SHCBP1L: variants seen among roughly 807,000 people sequenced by gnomAD.
SHCBP1L encodes the protein testicular spindle-associated protein SHCBP1L.
Under a neutral mutation model 62.5 loss-of-function variants are expected in SHCBP1L, and 67 were observed. The ratio of observed to expected loss-of-function variants is 1.07; its 90% confidence interval spans 0.88 to 1.31. The LOEUF (loss-of-function observed/expected upper bound fraction) is 1.31. Among genes scored for constraint, SHCBP1L ranks in the 40% most tolerant of loss-of-function variants. The pLI is 0.00. For synonymous variants in SHCBP1L, 284 were observed against 289.4 expected (o/e 0.98, Z 0.19); for missense variants, 823 against 809.8 (o/e 1.02, Z -0.20).
chr1:182,924,974 GAAAAAA>G (rs772984933), intron 6 of SHCBP1L, among the ~76,000 whole-genome samples: 4 of 109,554 alleles, frequency 3.7e-5, no homozygotes, highest in South Asian at 3.0e-4. Flanking sequence ...AAGAAAGAAA[GAAAAAA>G]AAAGGAAGAA....
chr1:182,942,239 T>A, intron 2 of SHCBP1L: 1 of 1,358,818 alleles, frequency 7.4e-7, no homozygotes, highest in South Asian at 1.2e-5. Context: ...TGCTCCCCTT[T>A]TCCCTTTTGT....
chr1:182,902,808 C>T (rs563027204), intron 9 of SHCBP1L, among the ~76,000 whole-genome samples: 8 of 152,192 alleles, frequency 5.3e-5, no homozygotes, highest in African/African-American at 1.9e-4. Context: ...AAATCTATCC[C>T]ATTTCTCATA....
At position 182,948,779 on chromosome 1, in the gene SHCBP1L, A is replaced by G. The variant is rs1029680639; in HGVS notation, c.555+2539T>C. ...ATAAATTATTGTGACATCAGAACAA[A>G]GAGTATTATATAGCATTATTAATAC... is the stretch of plus-strand genomic sequence containing the variant. On this transcript the variant is annotated intron_variant, in intron 2 of 9. Transcript: ENST00000367547. Among the ~76,000 whole-genome samples the G allele has an allele frequency of 5.9e-5, 9 of 152,374 alleles. No homozygotes were observed. The South Asian group carries it at 1.0e-3, about 18-fold the overall frequency.
At position 182,939,335 on chromosome 1, in the gene SHCBP1L, G is replaced by A; in HGVS notation, c.917C>T (p.Thr306Ile). 1.2e-6 allele frequency: 2 copies of A among 1,613,840 alleles called. No individual in the cohort carries two copies. Among genetic ancestry groups the A allele is most frequent in the Non-Finnish European group, 1.7e-6 (2 of 1,179,918 alleles). The change falls in exon 5 of 10, where the codon ACT (threonine) becomes ATT (isoleucine). Residue 306 changes from threonine to isoleucine, a missense_variant. Coordinates refer to ENST00000367547, the MANE Select transcript of SHCBP1L (RefSeq NM_030933.4). ...PGPIAQRFKK[T>I]LEKYKNKRVE... ...ACGTTTGTTTTTATATTTCTCCAAA[G>A]TTTTTTTAAAACGTTGTGCGATAGG... is the stretch of plus-strand genomic sequence containing the variant.
intron 6 of SHCBP1L, among the ~76,000 whole-genome samples, chr1:182,922,629 C>T (rs1374797533): frequency 1.3e-5 from 2 of 151,142 alleles, no homozygotes; most frequent in Non-Finnish European, 2.9e-5. Flanking sequence ...ATTAAGCAAT[C>T]TGCTCCTGAA....
chr1:182,929,575 C>A (rs1449175989), intron 6 of SHCBP1L, 72 bp downstream of exon 6: 2 of 940,924 alleles, frequency 2.1e-6, no homozygotes, highest in African/African-American at 1.7e-5. Flanking sequence ...AGGACTCCAC[C>A]CTCAGGGAGC....
At chr1:182,925,652 G>C (rs1424359475) in intron 6 of SHCBP1L, among the ~76,000 whole-genome samples, 1 of 152,204 alleles carries the variant, frequency 6.6e-6, no homozygotes, top group African/African-American at 2.4e-5. Context: ...GTGAAAAACA[G>C]TTTGGCAATT....
At position 182,913,907 on chromosome 1, in the gene SHCBP1L, G is replaced by A. The variant is rs12074738; in HGVS notation, c.1183-8258C>T. Among the ~76,000 whole-genome samples, 130 of 152,276 alleles carry A rather than the reference G, an allele frequency of 8.5e-4. 1 individual carries two copies. The highest frequency in any genetic ancestry group is 2.9e-3 in the African/African-American group (121 of 41,548). On this transcript the variant is annotated intron_variant, in intron 6 of 9. Coordinates refer to ENST00000367547, the MANE Select transcript of SHCBP1L (RefSeq NM_030933.4). ...GAGGTAGGAGAATTGCTTGAACCTGGGAGGCAGAGGTTGCAGTGAGCCAAG... is the reference window on the plus strand; with the variant it reads ...GAGGTAGGAGAATTGCTTGAACCTGAGAGGCAGAGGTTGCAGTGAGCCAAG...
At chr1:182,901,483 G>A (rs1649834656) in intron 9 of SHCBP1L, among the ~76,000 whole-genome samples, 1 of 152,050 alleles carries the variant, frequency 6.6e-6, no homozygotes, top group Admixed American at 6.6e-5. Flanking sequence ...GAGTGCTTCA[G>A]GTGAAGGTAA....
At chr1:182,923,442 T>C (rs1002690952) in intron 6 of SHCBP1L, among the ~76,000 whole-genome samples, 2 of 152,142 alleles carry the variant, frequency 1.3e-5, no homozygotes, top group African/African-American at 4.8e-5. Flanking sequence ...ATATTCCTAA[T>C]GAACACAGAT....
intron 5 of SHCBP1L, among the ~76,000 whole-genome samples, chr1:182,930,283 A>T (rs867929173): frequency 6.6e-6 from 1 of 151,940 alleles, no homozygotes; most frequent in African/African-American, 2.4e-5. Context: ...ATTGTTTGCT[A>T]TTCAGCACTT....
At chr1:182,907,799 G>A (rs1249488114) in intron 6 of SHCBP1L, among the ~76,000 whole-genome samples, 2 of 151,898 alleles carry the variant, frequency 1.3e-5, no homozygotes, top group African/African-American at 4.8e-5. Context: ...GGCTGGTCTC[G>A]AACTCCTGAC....
chr1:182,927,092 A>ACTC (rs1250556090), intron 6 of SHCBP1L, among the ~76,000 whole-genome samples: 2 of 21,154 alleles, frequency 9.5e-5, no homozygotes, highest in African/African-American at 2.0e-4. Flanking sequence ...ATATATATAT[A>ACTC]TATATATATA....
intron 6 of SHCBP1L, among the ~76,000 whole-genome samples, chr1:182,913,841 T>C (rs1400958193): frequency 6.6e-6 from 1 of 152,084 alleles, no homozygotes; most frequent in African/African-American, 2.4e-5. Context: ...ATTAACCAGA[T>C]GTGGTGCCAC....
chr1:182,934,263 C>CA (rs760370013), intron 5 of SHCBP1L, among the ~76,000 whole-genome samples: 84 of 151,280 alleles, frequency 5.6e-4, no homozygotes, highest in Middle Eastern at 3.2e-3. Flanking sequence ...AAGAAACTGC[C>CA]GAACAGTGCT....
chr1:182,951,215 A>T (rs1651734320), intron 2 of SHCBP1L, 103 bp downstream of exon 2: 1 of 928,024 alleles, frequency 1.1e-6, no homozygotes, highest in African/African-American at 1.7e-5. Flanking sequence ...CAGAAGTAAA[A>T]ATGTGTCAAC....
At position 182,915,161 on chromosome 1, in the gene SHCBP1L, C is replaced by CAAAAAAAAAA. The variant is rs371432299; in HGVS notation, c.1183-9522_1183-9513dup. Among the ~76,000 whole-genome samples, 12 of 31,906 alleles carry CAAAAAAAAAA rather than the reference C, an allele frequency of 3.8e-4. 2 individuals are homozygous for CAAAAAAAAAA. The highest frequency in any genetic ancestry group is 5.6e-4 in the Non-Finnish European group (8 of 14,200). The allele number at this position is 31,906 out of a possible 152,430, so 20.9% of individuals were successfully genotyped here. On this transcript the variant is annotated intron_variant, in intron 6 of 9. Transcript: ENST00000367547. ...TGGGCAACAGAGGCAGACTCTGTCT[C>CAAAAAAAAAA]AAAAAAAAAAAAAAAAAAAAAAAAA... is the stretch of plus-strand genomic sequence containing the variant.
In SHCBP1L at chr1:182,929,653, A is replaced by C; in HGVS notation, c.1176T>G (p.Thr392=). 2 of 1,545,140 alleles carry C rather than the reference A, an allele frequency of 1.3e-6. No homozygotes were observed. The highest frequency in any genetic ancestry group is 1.7e-6 in the Non-Finnish European group (2 of 1,143,234). The part of the protein sequence containing the change: ...ITHIVAKMMT[T]EMIKDLSSDT... ...AGAATAGTTTATTTCTTACCATTTC[A>C]GTAGTCATCATTTTTGCTACAATAT... The change falls in exon 6 of 10, where the codon ACT becomes ACG. Residue 392 remains threonine, a synonymous_variant. Transcript: ENST00000367547.
chr1:182,930,872 T>C (rs1206904372), intron 5 of SHCBP1L, among the ~76,000 whole-genome samples: 2 of 144,852 alleles, frequency 1.4e-5, no homozygotes, highest in Admixed American at 6.9e-5. Flanking sequence ...ACTACAGGCA[T>C]GTGCCACCTT....
Sources: allele counts gnomAD v4.1 joint callset (sites outside exome capture counted in the v4.1 genomes callset), GRCh38; gene constraint gnomAD v4.1.1; transcripts MANE v1.5; gene names NCBI Gene and HGNC (gene_info 2026-07-23, HGNC 2026-07-21).